The following TPMT variants were observed in gnomAD, a reference collection of about 807,000 sequenced individuals.
TPMT encodes the protein S-adenosyl-L-methionine:thiopurine S-methyltransferase.
In TPMT, 18 loss-of-function variants were observed where a neutral mutation model predicts 34.2. The ratio of observed to expected loss-of-function variants is 0.53; its 90% CI spans 0.36 to 0.78. TPMT has a LOEUF of 0.78. TPMT is among the 30% of genes least tolerant of loss of function. TPMT has a pLI of 0.00. For missense variants in TPMT, 265 were observed against 288.1 expected (o/e 0.92, Z 0.58); for synonymous variants, 69 against 92.4 (o/e 0.75, Z 1.45).
At position 18,136,911 on chromosome 6, in the gene TPMT, G is replaced by A. The variant is rs1410386302; in HGVS notation, c.494+2052C>T. ...TGAGAGCATAAGGCTGAGGATGGTG[G>A]TCCCTTGGGGAATCACGACTTTTAG... is the stretch of plus-strand genomic sequence containing the variant. On this transcript the variant is annotated intron_variant, in intron 6 of 8. Transcript: ENST00000309983. This position sits in a 1 kb window ranked among gnomAD's most constrained non-coding sequence, Gnocchi z 4.7. Among the ~76,000 whole-genome samples the A allele has an allele frequency of 3.9e-5, 6 of 152,176 alleles. No homozygotes were observed. The highest frequency in any genetic ancestry group is 1.4e-4 in the African/African-American group (6 of 41,436).
rs1448307978 is a variant in TPMT at position 18,138,298 on chromosome 6, G to A, written c.494+665C>T. ...TTTTTTTAAATATTTTACAGACAAG[G>A]TCTTGCTCTGTCATTCAGGTTGAAG... On this transcript the variant is annotated intron_variant, in intron 6 of 8. Transcript: ENST00000309983. This position sits in a 1 kb window ranked among gnomAD's most constrained non-coding sequence, Gnocchi z 4.1. 6.7e-6 allele frequency among the ~76,000 whole-genome samples: 1 copy of A among 149,490 alleles called. No homozygotes were observed. The highest frequency in any genetic ancestry group is 1.5e-5 in the Non-Finnish European group (1 of 67,724).
At position 18,145,999 on chromosome 6, in the gene TPMT, AT is replaced by A. The variant is rs1561891196; in HGVS notation, c.233+1823del. 6.6e-6 allele frequency among the ~76,000 whole-genome samples: 1 copy of A among 152,058 alleles called. No homozygotes were observed. Among genetic ancestry groups the A allele is most frequent in the East Asian group, 1.9e-4 (1 of 5,168 alleles). The stretch of plus-strand genomic sequence containing the variant: ...AAAAACCAAAAACCTAAACCTAAAT[AT>A]CTTAAACATTTTGTTTTAATGCTTT... On this transcript the variant is annotated intron_variant, in intron 3 of 8. Transcript: ENST00000309983. The surrounding 1 kb of genome is among the most constrained non-coding windows in gnomAD (Gnocchi z 5.6).
At chr6:18,141,190 G>C (rs1247310346) in intron 4 of TPMT, among the ~76,000 whole-genome samples, 1 of 152,026 alleles carries the variant, frequency 6.6e-6, no homozygotes, top group Admixed American at 6.6e-5. Context: ...GCCTGGGCGG[G>C]GAACTGCTGC....
chr6:18,139,597 A>G lies in TPMT; in HGVS notation c.419+68T>C. On this transcript the variant is annotated intron_variant, in intron 5 of 8. Coordinates refer to ENST00000309983, the MANE Select transcript of TPMT (RefSeq NM_000367.5). The surrounding 1 kb of genome is among the most constrained non-coding windows in gnomAD (Gnocchi z 4.2). ...GGAAGAGAGTGAGGAAGACACCTCCACTCCCATGCCTGCACTGCCTGGCAA... is the reference window on the plus strand; with the variant it reads ...GGAAGAGAGTGAGGAAGACACCTCCGCTCCCATGCCTGCACTGCCTGGCAA... The G allele has an allele frequency of 3.1e-6, 4 of 1,276,922 alleles. No individual in the cohort carries two copies. The highest frequency in any genetic ancestry group is 4.6e-5 in the East Asian group (2 of 43,300). 79.1% of individuals were successfully genotyped at this position (1,276,922 alleles called of 1,614,324 possible). A position where few individuals can be genotyped will look rare whatever the true frequency, so the allele number is the denominator to read the frequency against.
At chr6:18,137,784 T>C (rs1189082697) in intron 6 of TPMT, among the ~76,000 whole-genome samples, 2 of 152,158 alleles carry the variant, frequency 1.3e-5, no homozygotes, top group African/African-American at 4.8e-5. Flanking sequence ...GTGTGGACTT[T>C]ATTTTATTTC....
rs185584633 is a variant in TPMT at position 18,143,785 on chromosome 6, G to C, written c.234-57C>G. ...ATGTTTTCAAATGACTAAATAGAGGGTTATATTAGAGTAAGCATATATTTT... is the reference window on the plus strand; with the variant it reads ...ATGTTTTCAAATGACTAAATAGAGGCTTATATTAGAGTAAGCATATATTTT... On this transcript the variant is annotated intron_variant, in intron 3 of 8. Transcript: ENST00000309983. This position sits in a 1 kb window ranked among gnomAD's most constrained non-coding sequence, Gnocchi z 6.1. 5.2e-5 allele frequency: 83 copies of C among 1,595,438 alleles called. 1 individual carries two copies. The South Asian group carries it at 8.7e-4, about 17-fold the overall frequency.
chr6:18,141,827 T>C (rs1319140614), intron 4 of TPMT, among the ~76,000 whole-genome samples: 1 of 152,112 alleles, frequency 6.6e-6, no homozygotes, highest in African/African-American at 2.4e-5. Flanking sequence ...CTCAAATCAT[T>C]TTTCCTTTCT....
chr6:18,134,127 A>G (rs1408255428), intron 6 of TPMT, among the ~76,000 whole-genome samples: 1 of 152,328 alleles, frequency 6.6e-6, no homozygotes, highest in Non-Finnish European at 1.5e-5. Context: ...GCCTGCTTCC[A>G]GAGCTGATCA....
In TPMT at chr6:18,139,847, A is replaced by G. The variant is rs1005648030; in HGVS notation, c.367-130T>C. 6.2e-6 allele frequency: 4 copies of G among 640,228 alleles called. No homozygotes were observed. Among genetic ancestry groups the G allele is most frequent in the Non-Finnish European group, 1.1e-5 (4 of 365,982 alleles). 39.7% of individuals were successfully genotyped at this position (640,228 alleles called of 1,614,324 possible). A position where few individuals can be genotyped will look rare whatever the true frequency, so the allele number is the denominator to read the frequency against. ...TGTTAATTAAACATAATTAAAGTAA[A>G]TAATTTTACTGCACTTTATTGGCAC... On this transcript the variant is annotated intron_variant, in intron 4 of 8. Transcript: ENST00000309983. This position sits in a 1 kb window ranked among gnomAD's most constrained non-coding sequence, Gnocchi z 4.2.
At position 18,148,718 on chromosome 6, in the gene TPMT, T is replaced by C. The variant is rs1784294735; in HGVS notation, c.140+270A>G. Reference sequence around the variant, plus strand: ...GGTATAAATATTCAGGGCCAATACATAGGTGCCGTAGGGATCAAAGAACAT... The same window carrying C: ...GGTATAAATATTCAGGGCCAATACACAGGTGCCGTAGGGATCAAAGAACAT... On this transcript the variant is annotated intron_variant, in intron 2 of 8. Coordinates refer to ENST00000309983, the MANE Select transcript of TPMT (RefSeq NM_000367.5). The surrounding 1 kb of genome is among the most constrained non-coding windows in gnomAD (Gnocchi z 4.1). Among the ~76,000 whole-genome samples, 3 of 152,182 alleles carry C rather than the reference T, an allele frequency of 2.0e-5. No individual in the cohort carries two copies. Among genetic ancestry groups the C allele is most frequent in the African/African-American group, 7.2e-5 (3 of 41,452 alleles).
Position 18,132,043 on chromosome 6 carries a change from C to A in TPMT, c.625+90G>T. On this transcript the variant is annotated intron_variant, in intron 8 of 8. Transcript: ENST00000309983. The surrounding 1 kb of genome is among the most constrained non-coding windows in gnomAD (Gnocchi z 4.8). ...CTGCCCACCTTGGCCTCCCAAAGTG[C>A]TGGAAATACAGGCATGAGCCAGCAC... is the stretch of plus-strand genomic sequence containing the variant. 4.1e-6 allele frequency: 6 copies of A among 1,447,724 alleles called. No homozygotes were observed. Among genetic ancestry groups the A allele is most frequent in the Non-Finnish European group, 5.8e-6 (6 of 1,033,650 alleles). 89.7% of individuals were successfully genotyped at this position (1,447,724 alleles called of 1,614,324 possible).
In TPMT at chr6:18,138,428, G is replaced by A. The variant is rs74987870; in HGVS notation, c.494+535C>T. Reference sequence around the variant, plus strand: ...ACTACAAGCACATACCACCACGGTCGGATAATTTTAAAAATATTTTGTAGA... The same window carrying A: ...ACTACAAGCACATACCACCACGGTCAGATAATTTTAAAAATATTTTGTAGA... On this transcript the variant is annotated intron_variant, in intron 6 of 8. Transcript: ENST00000309983. This position sits in a 1 kb window ranked among gnomAD's most constrained non-coding sequence, Gnocchi z 4.1. Among the ~76,000 whole-genome samples, 27 of 151,956 alleles carry A rather than the reference G, an allele frequency of 1.8e-4. No homozygotes were observed. Among genetic ancestry groups the A allele is most frequent in the African/African-American group, 5.8e-4 (24 of 41,440 alleles).
intron 1 of TPMT, among the ~76,000 whole-genome samples, chr6:18,152,021 C>A (rs1784363721): frequency 6.6e-6 from 1 of 152,156 alleles, no homozygotes; most frequent in South Asian, 2.1e-4. Context: ...ATCCCCAAAG[C>A]CTGCTGGTGT....
rs150455490 is a variant in TPMT, at chr6:18,149,554, C to A, written c.-44-383G>T. On this transcript the variant is annotated intron_variant, in intron 1 of 8. Transcript: ENST00000309983. This position sits in a 1 kb window ranked among gnomAD's most constrained non-coding sequence, Gnocchi z 5.0. ...TTACTGCAAGCTTCAACCTCCTGGG[C>A]TCAAGCGATCCTCCCATTTCAGCCT... Among the ~76,000 whole-genome samples, 25 of 151,820 alleles carry A rather than the reference C, an allele frequency of 1.6e-4. No individual in the cohort carries two copies. Among genetic ancestry groups the A allele is most frequent in the Admixed American group, 1.2e-3 (19 of 15,224 alleles).
rs771921981 is a variant in TPMT, at chr6:18,143,722, T to C, written c.240A>G (p.Ala80=). 1 of 1,614,090 alleles carries C rather than the reference T, an allele frequency of 6.2e-7. No homozygotes were observed. Among genetic ancestry groups the C allele is most frequent in the South Asian group, 1.1e-5 (1 of 91,088 alleles). ...CACCAACTACACTGTGTCCCCGGTCTGCAAACCTGCATAAAATCATACATT... is the reference window on the plus strand; with the variant it reads ...CACCAACTACACTGTGTCCCCGGTCCGCAAACCTGCATAAAATCATACATT... ...CGKAVEMKWF[A]DRGHSVVGVE... is the part of the protein sequence containing the mutation. Residue 80 remains alanine, a synonymous_variant, in exon 4 of 9, where the codon GCA becomes GCG. Coordinates refer to ENST00000309983, the MANE Select transcript of TPMT (RefSeq NM_000367.5). This position sits in a 1 kb window ranked among gnomAD's most constrained non-coding sequence, Gnocchi z 6.1.
chr6:18,151,704 C>T (rs538550683), intron 1 of TPMT, among the ~76,000 whole-genome samples: 3 of 151,890 alleles, frequency 2.0e-5, no homozygotes, highest in East Asian at 3.9e-4. Flanking sequence ...GTGATCCTCC[C>T]GCCTCAGCCT....
In TPMT at chr6:18,137,207, G is replaced by A. The variant is rs578147959; in HGVS notation, c.494+1756C>T. Among the ~76,000 whole-genome samples the A allele has an allele frequency of 4.6e-5, 7 of 151,614 alleles. No individual in the cohort carries two copies. In the South Asian group the frequency reaches 1.0e-3, roughly 23 times the overall value. On this transcript the variant is annotated intron_variant, in intron 6 of 8. Coordinates refer to ENST00000309983, the MANE Select transcript of TPMT (RefSeq NM_000367.5). ...GGCTGGAGTGCCGTGGCACAATCTCGGCTCACTGCAACCTCCACCTGCCGG... is the reference window on the plus strand; with the variant it reads ...GGCTGGAGTGCCGTGGCACAATCTCAGCTCACTGCAACCTCCACCTGCCGG...
rs569817472 is a variant in TPMT at position 18,130,493 on chromosome 6, T to C, written c.*175A>G. The C allele has an allele frequency of 1.9e-5, 11 of 568,282 alleles. No homozygotes were observed. The South Asian group carries it at 2.1e-4, about 11-fold the overall frequency. The allele number at this position is 568,282 out of a possible 1,614,324, so 35.2% of individuals were successfully genotyped here. On this transcript the variant is annotated 3_prime_UTR_variant, in exon 9 of 9. Transcript: ENST00000309983. This position sits in a 1 kb window ranked among gnomAD's most constrained non-coding sequence, Gnocchi z 4.2. ...TAAAAGTTTAGTTACATCTTTTTCT[T>C]CTAAAACTTTTTTAGAAAAAGTAAA...
chr6:18,130,549 G>C lies in TPMT; in HGVS notation c.*119C>G. On this transcript the variant is annotated 3_prime_UTR_variant, in exon 9 of 9. Transcript: ENST00000309983. The surrounding 1 kb of genome is among the most constrained non-coding windows in gnomAD (Gnocchi z 4.2). ...TTACTAAAAAGCCATTTTTAGTAAA[G>C]ATCTATCATATGATTTATAAACAAT... 1.4e-6 allele frequency: 1 copy of C among 730,898 alleles called. No individual in the cohort carries two copies. Among genetic ancestry groups the C allele is most frequent in the South Asian group, 1.7e-5 (1 of 57,402 alleles). 45.3% of individuals were successfully genotyped at this position (730,898 alleles called of 1,614,324 possible).
Sources: allele counts gnomAD v4.1 joint callset (sites outside exome capture counted in the v4.1 genomes callset), GRCh38; gene constraint gnomAD v4.1.1; non-coding constraint Gnocchi (gnomAD v3.1); transcripts MANE v1.5; gene names NCBI Gene and HGNC (gene_info 2026-07-23, HGNC 2026-07-21).